ADAMTS17: variants seen among roughly 807,000 people sequenced by gnomAD.
The protein encoded by ADAMTS17 is A disintegrin and metalloproteinase with thrombospondin motifs 17.
A neutral mutation model predicts 141.5 loss-of-function variants in ADAMTS17; 113 were observed. The ratio of observed to expected loss-of-function variants is 0.80; its 90% CI spans 0.69 to 0.93. The LOEUF (loss-of-function observed/expected upper bound fraction) is 0.93. Ranked by LOEUF, ADAMTS17 falls within the 40% of genes least tolerant of loss-of-function variation. ADAMTS17 has a pLI of 0.00. For synonymous variants in ADAMTS17, 768 were observed against 630.6 expected (o/e 1.22, Z -3.27); for missense variants, 1,659 against 1,517.9 (o/e 1.09, Z -1.54).
chr15:100,162,708 A>G (rs978997991), intron 8 of ADAMTS17, among the ~76,000 whole-genome samples: 2 of 133,964 alleles, frequency 1.5e-5, no homozygotes, highest in Non-Finnish European at 3.2e-5. Flanking sequence ...ATATATATGC[A>G]CATATACACA....
intron 15 of ADAMTS17, among the ~76,000 whole-genome samples, chr15:100,085,686 A>G (rs1379050146): frequency 6.6e-6 from 1 of 150,910 alleles, no homozygotes; most frequent in East Asian, 2.0e-4. Flanking sequence ...AGTGGGGACC[A>G]ATATTCAACA....
intron 3 of ADAMTS17, chr15:100,306,180 G>C (rs150022782): frequency 3.3e-6 from 1 of 303,030 alleles, no homozygotes; most frequent in East Asian, 8.1e-5. Flanking sequence ...AGTTATAGAG[G>C]TGTGAAGAGG....
At chr15:100,144,278 G>C (rs1356117118) in intron 10 of ADAMTS17, among the ~76,000 whole-genome samples, 3 of 152,148 alleles carry the variant, frequency 2.0e-5, no homozygotes, top group Non-Finnish European at 4.4e-5. Flanking sequence ...GTGGCTGGGC[G>C]TGGTGGCTCA....
chr15:100,156,886 T>C (rs1442949028), intron 8 of ADAMTS17, among the ~76,000 whole-genome samples: 3 of 152,238 alleles, frequency 2.0e-5, no homozygotes, highest in Non-Finnish European at 4.4e-5. Context: ...GCATGCTTTG[T>C]GTGAGGAAAG....
intron 20 of ADAMTS17, among the ~76,000 whole-genome samples, chr15:99,984,852 C>T (rs2060553133): frequency 6.6e-6 from 1 of 152,248 alleles, no homozygotes; most frequent in Non-Finnish European, 1.5e-5. Flanking sequence ...GGAGACGGGG[C>T]ATGGGATGAC....
At chr15:100,134,454 G>C (rs1219156468) in intron 10 of ADAMTS17, among the ~76,000 whole-genome samples, 2 of 152,182 alleles carry the variant, frequency 1.3e-5, no homozygotes, top group Admixed American at 6.5e-5. Context: ...GCCCAAGTTG[G>C]AGCAGGAAGA....
intron 10 of ADAMTS17, among the ~76,000 whole-genome samples, chr15:100,141,774 T>C (rs959794692): frequency 2.6e-5 from 4 of 152,230 alleles, no homozygotes; most frequent in Admixed American, 6.5e-5. Flanking sequence ...GGCAGTCTAC[T>C]GTAAACTTTC....
intron 8 of ADAMTS17, among the ~76,000 whole-genome samples, chr15:100,172,353 A>G (rs1289268633): frequency 6.6e-6 from 1 of 152,186 alleles, no homozygotes; most frequent in African/African-American, 2.4e-5. Context: ...TTTTTCTTCA[A>G]AGAATCAGTA....
rs929086396 is a variant in ADAMTS17 at position 100,109,100 on chromosome 15, G to C, written c.1905C>G (p.Leu635=). The C allele has an allele frequency of 3.1e-6, 5 of 1,613,080 alleles. No homozygotes were observed. The highest frequency in any genetic ancestry group is 4.2e-6 in the Non-Finnish European group (5 of 1,179,550). ...AVVVDDKPCE[L]YCSPLGKESP... is the part of the protein sequence containing the mutation. ...ACTCCTTCCCGAGGGGCGAGCAGTAGAGTTCACATGGCTTATCTGAGGAGG... is the reference window on the plus strand; with the variant it reads ...ACTCCTTCCCGAGGGGCGAGCAGTACAGTTCACATGGCTTATCTGAGGAGG... The change falls in exon 14 of 22, where the codon CTC becomes CTG. Residue 635 remains leucine (L), a synonymous_variant. Transcript: ENST00000268070.
intron 15 of ADAMTS17, among the ~76,000 whole-genome samples, chr15:100,060,598 G>A (rs138849960): frequency 1.3e-5 from 2 of 152,304 alleles, no homozygotes; most frequent in East Asian, 3.9e-4. Flanking sequence ...GCCCGAGTGG[G>A]GTTCTTTTAG....
Position 100,331,011 on chromosome 15 carries a change from G to A in ADAMTS17, c.494C>T (p.Pro165Leu). ...QLGQEQVLIQPLNNSQGPFSG... is the reference protein window; with the variant it reads ...QLGQEQVLIQLLNNSQGPFSG... The stretch of plus-strand genomic sequence containing the variant: ...GAATGGGCCCTGGGAGTTGTTGAGG[G>A]GCTGGATTAGCACCTGCTCCTGCCC... Residue 165 changes from proline (P) to leucine (L), a missense_variant, in exon 3 of 22, where the codon CCC (proline) becomes CTC (leucine). By Grantham distance (98) the Pro-to-Leu change is moderately conservative. Coordinates refer to ENST00000268070, the MANE Select transcript of ADAMTS17 (RefSeq NM_139057.4). 6.2e-7 allele frequency: 1 copy of A among 1,614,124 alleles called. No homozygotes were observed. The highest frequency in any genetic ancestry group is 8.5e-7 in the Non-Finnish European group (1 of 1,180,040).
chr15:100,173,596 C>A (rs2040235446), intron 8 of ADAMTS17, among the ~76,000 whole-genome samples: 1 of 152,216 alleles, frequency 6.6e-6, no homozygotes, highest in African/African-American at 2.4e-5. Flanking sequence ...CTCCACTAAG[C>A]TGAACTTTGG....
chr15:100,175,417 T>C (rs564628880), intron 8 of ADAMTS17, among the ~76,000 whole-genome samples: 169 of 152,240 alleles, frequency 1.1e-3, no homozygotes, highest in African/African-American at 3.9e-3. Flanking sequence ...ACTGAGGCAG[T>C]AGAGCGCTCA....
chr15:100,154,848 C>T (rs566731320), intron 9 of ADAMTS17, among the ~76,000 whole-genome samples: 41 of 152,284 alleles, frequency 2.7e-4, no homozygotes, highest in Admixed American at 4.6e-4. Context: ...CATTCCGCAG[C>T]GGCCCAGGGG....
chr15:100,322,276 G>C (rs544944330), intron 3 of ADAMTS17, among the ~76,000 whole-genome samples: 1 of 152,104 alleles, frequency 6.6e-6, no homozygotes, highest in Admixed American at 6.5e-5. Flanking sequence ...TGGAAAGTAT[G>C]GGGGAGGCAT....
intron 18 of ADAMTS17, among the ~76,000 whole-genome samples, chr15:100,037,966 G>T (rs2030907499): frequency 6.6e-6 from 1 of 151,796 alleles, no homozygotes; most frequent in African/African-American, 2.4e-5. Flanking sequence ...TGTAGAGAAA[G>T]GGTTTCACCA....
intron 8 of ADAMTS17, among the ~76,000 whole-genome samples, chr15:100,161,571 C>T (rs1346396873): frequency 6.6e-6 from 1 of 152,172 alleles, no homozygotes; most frequent in Admixed American, 6.5e-5. Flanking sequence ...ACTGGAATGG[C>T]CCATGGCAGT....
intron 7 of ADAMTS17, among the ~76,000 whole-genome samples, chr15:100,202,064 G>GT (rs2041354919): frequency 1.3e-5 from 2 of 152,190 alleles, no homozygotes; most frequent in East Asian, 1.9e-4. Context: ...AGGGGGAAGG[G>GT]AGACATAATA....
chr15:100,336,489 T>G (rs909560333), intron 2 of ADAMTS17, among the ~76,000 whole-genome samples: 7 of 152,224 alleles, frequency 4.6e-5, no homozygotes, highest in Non-Finnish European at 7.3e-5. Context: ...ATCCACTCAA[T>G]TGTTTCTTTT....
Sources: allele counts gnomAD v4.1 joint callset (sites outside exome capture counted in the v4.1 genomes callset), GRCh38; gene constraint gnomAD v4.1.1; transcripts MANE v1.5; gene names NCBI Gene and HGNC (gene_info 2026-07-23, HGNC 2026-07-21).